DOT1L: variants seen among roughly 807,000 people sequenced by gnomAD.
The protein encoded by DOT1L is DOT1 like histone lysine methyltransferase.
DOT1L carries 33 observed loss-of-function variants against 153.3 expected under a neutral mutation model. The ratio of observed to expected loss-of-function variants is 0.22; its 90% CI spans 0.16 to 0.29. The LOEUF (loss-of-function observed/expected upper bound fraction) is 0.29, where lower values mean the gene tolerates loss of function less well. DOT1L is among the 10% of genes least tolerant of loss of function. The pLI is 1.00. For missense variants in DOT1L, 1,847 were observed against 2,119.9 expected (o/e 0.87, Z 2.53); for synonymous variants, 1,135 against 965.1 (o/e 1.18, Z -3.26).
intron 20 of DOT1L, 56 bp from the exon 21 acceptor site, chr19:2,216,899 C>A (rs2023927158): frequency 1.3e-6 from 2 of 1,574,658 alleles, no homozygotes; most frequent in Non-Finnish European, 1.7e-6. Flanking sequence ...GGCCAGGCCG[C>A]TGCCTCTGAG....
chr19:2,206,283 G>A (rs1287185233), intron 9 of DOT1L, among the ~76,000 whole-genome samples: 1 of 152,100 alleles, frequency 6.6e-6, no homozygotes, highest in East Asian at 1.9e-4. Flanking sequence ...ACTGCACCGC[G>A]CCGAGAATGT....
chr19:2,216,705 G>A lies in DOT1L; in HGVS notation c.2348G>A (p.Arg783Gln), dbSNP rs373831166. Reference protein sequence around the residue: ...RLSPAKIVLRRHLSQDHTVPG... With the variant: ...RLSPAKIVLRQHLSQDHTVPG... ...TCCCCGGCCAAGATTGTGCTGAGGC[G>A]GCACCTGAGCCAGGACCACACGGTG... Residue 783 changes from arginine (R) to glutamine (Q), a missense_variant, in exon 20 of 28, where the codon CGG (arginine) becomes CAG (glutamine). Physicochemically the swap from Arg to Gln is conservative, Grantham distance 43. This residue lies in a region of DOT1L where 281 missense variants were observed against 263.6 expected (regional missense o/e 1.07). Transcript: ENST00000398665. The A allele has an allele frequency of 1.9e-5, 31 of 1,602,028 alleles. No individual in the cohort carries two copies. Among genetic ancestry groups the A allele is most frequent in the African/African-American group, 6.7e-5 (5 of 75,044 alleles).
intron 7 of DOT1L, among the ~76,000 whole-genome samples, chr19:2,196,734 G>C (rs561834504): frequency 6.0e-4 from 91 of 151,970 alleles, no homozygotes; most frequent in African/African-American, 2.1e-3. Flanking sequence ...CCGTACCCTC[G>C]TGCTGGCCGG....
chr19:2,201,904 C>G (rs1335605861), intron 8 of DOT1L, among the ~76,000 whole-genome samples: 5 of 152,228 alleles, frequency 3.3e-5, no homozygotes, highest in African/African-American at 1.2e-4. Context: ...CCACAGGCTG[C>G]CCACTGGTTG....
chr19:2,224,540 T>C (rs1040914123), intron 25 of DOT1L, among the ~76,000 whole-genome samples: 39 of 150,562 alleles, frequency 2.6e-4, no homozygotes, highest in African/African-American at 9.5e-4. Context: ...CGATCTCGGC[T>C]CACTGACCCT....
chr19:2,199,992 G>T, intron 8 of DOT1L, 53 bp downstream of exon 8: 1 of 1,600,412 alleles, frequency 6.2e-7, no homozygotes. Context: ...TCACAGGCGG[G>T]CGGTGGCCAT....
chr19:2,194,636 C>T (rs1441809001), intron 7 of DOT1L, 59 bp downstream of exon 7: 5 of 1,572,366 alleles, frequency 3.2e-6, no homozygotes, highest in Non-Finnish European at 3.5e-6. Flanking sequence ...CTCCCACCCT[C>T]CTGTCAGCCC....
rs962478946 is a variant in DOT1L, at chr19:2,204,699, C to T, written c.787+1920C>T. On this transcript the variant is annotated intron_variant, in intron 9 of 27. Transcript: ENST00000398665. This position sits in a 1 kb window ranked among gnomAD's most constrained non-coding sequence, Gnocchi z 5.7. ...AGTGAAGGGCAGGTGGCCAGTAGTG[C>T]TGATTCTAGGGGCCTTGATGGTCCC... Among the ~76,000 whole-genome samples, 3 of 152,218 alleles carry T rather than the reference C, an allele frequency of 2.0e-5. No homozygotes were observed. Among genetic ancestry groups the T allele is most frequent in the Admixed American group, 1.3e-4 (2 of 15,282 alleles).
chr19:2,226,049 G>T, intron 26 of DOT1L, 134 bp from the exon 27 acceptor site: 1 of 956,926 alleles, frequency 1.0e-6, no homozygotes. Flanking sequence ...ATCCTGTCCC[G>T]CTTGGCATCT....
intron 12 of DOT1L, 61 bp from the exon 13 acceptor site, chr19:2,210,339 G>T: frequency 1.4e-6 from 2 of 1,396,784 alleles, no homozygotes; most frequent in Non-Finnish European, 9.4e-7. Context: ...CGTGCCTCTC[G>T]GTGCAGGAGG....
intron 3 of DOT1L, among the ~76,000 whole-genome samples, chr19:2,188,925 A>G (rs2022669659): frequency 6.6e-6 from 1 of 152,118 alleles, no homozygotes; most frequent in Admixed American, 6.5e-5. Flanking sequence ...CGTGCCCCAC[A>G]GACAGTGGGC....
intron 27 of DOT1L, chr19:2,227,403 C>G: frequency 1.5e-6 from 1 of 676,490 alleles, no homozygotes; most frequent in East Asian, 3.1e-5. Context: ...TTACTTTCTC[C>G]CGTGGAGGTC....
Position 2,206,762 on chromosome 19 carries a change from C to A in DOT1L, c.821C>A (p.Pro274His), listed in dbSNP as rs201645007. 4 of 1,613,994 alleles carry A rather than the reference C, an allele frequency of 2.5e-6. No individual in the cohort carries two copies. Among genetic ancestry groups the A allele is most frequent in the Non-Finnish European group, 3.4e-6 (4 of 1,179,926 alleles). ...GRIVSSKPFA[P>H]LNFRINSRNL... ...ATCGTGTCCTCGAAACCCTTTGCAC[C>A]TCTGAACTTCAGAATAAACAGTAGA... is the stretch of plus-strand genomic sequence containing the variant. The change falls in exon 10 of 28, where the codon CCT becomes CAT. Residue 274 changes from proline (P) to histidine (H), a missense_variant. Pro to His is a moderately conservative substitution (Grantham distance 77). Transcript: ENST00000398665.
intron 1 of DOT1L, among the ~76,000 whole-genome samples, chr19:2,178,810 C>T (rs2022088358): frequency 6.6e-6 from 1 of 152,172 alleles, no homozygotes; most frequent in Non-Finnish European, 1.5e-5. Context: ...CGTGATCCAC[C>T]TGCCTCAGCT....
Position 2,223,451 on chromosome 19 carries a change from G to A in DOT1L, c.3561G>A (p.Glu1187=), listed in dbSNP as rs1230819418. The change falls in exon 25 of 28, where the codon GAG becomes GAA. Residue 1187 remains glutamate, a synonymous_variant. Coordinates refer to ENST00000398665, the MANE Select transcript of DOT1L (RefSeq NM_032482.3). The stretch of plus-strand genomic sequence containing the variant: ...ACTACTCCCCACTCACCTCAGACGA[G>A]GAGCCAGGCTCTGAGGACGAGCCCA... The part of the protein sequence containing the change: ...GAHYSPLTSD[E]EPGSEDEPSS... The A allele has an allele frequency of 2.5e-6, 4 of 1,612,882 alleles. No homozygotes were observed. In the African/African-American group the frequency reaches 5.3e-5, roughly 22 times the overall value.
chr19:2,226,301 G>A lies in DOT1L; in HGVS notation c.3780G>A (p.Pro1260=), dbSNP rs374581015. ...GCCTGGCCAAGTCGGCGGACAGCCC[G>A]CTGCAGGCCAGCTCCGCCCTCAGCC... is the stretch of plus-strand genomic sequence containing the variant. ...DIGLAKSADS[P]LQASSALSQN... The change falls in exon 27 of 28, where the codon CCG becomes CCA. Residue 1260 remains proline (P), a synonymous_variant. Transcript: ENST00000398665. 12 of 1,596,222 alleles carry A rather than the reference G, an allele frequency of 7.5e-6. No individual in the cohort carries two copies. Among genetic ancestry groups the A allele is most frequent in the African/African-American group, 4.0e-5 (3 of 74,518 alleles).
chr19:2,229,800 A>G lies in DOT1L; in HGVS notation c.*8A>G. 2 of 1,613,096 alleles carry G rather than the reference A, an allele frequency of 1.2e-6. No individual in the cohort carries two copies. The highest frequency in any genetic ancestry group is 1.7e-6 in the Non-Finnish European group (2 of 1,179,888). On this transcript the variant is annotated 3_prime_UTR_variant, in exon 28 of 28. Transcript: ENST00000398665. ...CCTTCTGCAGGTAACTAGGATTTCT[A>G]CCTCAACCGCGAGACCTATGCAAGG... is the stretch of plus-strand genomic sequence containing the variant.
At chr19:2,184,000 C>T (rs566145138) in intron 2 of DOT1L, among the ~76,000 whole-genome samples, 5 of 152,050 alleles carry the variant, frequency 3.3e-5, no homozygotes, top group East Asian at 3.9e-4. Context: ...TTTTGCCTAT[C>T]GGCCATGCCC....
At chr19:2,187,602 G>A (rs1226357196) in intron 3 of DOT1L, among the ~76,000 whole-genome samples, 2 of 152,186 alleles carry the variant, frequency 1.3e-5, no homozygotes, top group African/African-American at 4.8e-5. Flanking sequence ...AGGTCTGGTT[G>A]TCAGGGTTGA....
Sources: allele counts gnomAD v4.1 joint callset (sites outside exome capture counted in the v4.1 genomes callset), GRCh38; gene constraint gnomAD v4.1.1; regional missense constraint gnomAD v4.1.1; non-coding constraint Gnocchi (gnomAD v3.1); transcripts MANE v1.5; gene names NCBI Gene and HGNC (gene_info 2026-07-23, HGNC 2026-07-21).